EDIL3: variants seen among roughly 807,000 people sequenced by gnomAD.
EDIL3 encodes EGF-like repeat and discoidin I-like domain-containing protein 3.
In EDIL3, 37 loss-of-function variants were observed where a neutral mutation model predicts 67.4. That is an observed-to-expected ratio of 0.55 (90% CI 0.42 to 0.72). The LOEUF (loss-of-function observed/expected upper bound fraction) is 0.72, where lower values mean the gene tolerates loss of function less well. Ranked by LOEUF, EDIL3 falls within the 30% of genes least tolerant of loss-of-function variation. The probability of loss-of-function intolerance (pLI) is 0.00; values close to 1 mark genes in which losing one functional copy is unlikely to be tolerated. For synonymous variants in EDIL3, 195 were observed against 196.3 expected, an observed-to-expected ratio of 0.99 and a Z score of 0.05; for missense variants, 527 against 586.3, an observed-to-expected ratio of 0.90 and a Z score of 1.04.
chr5:84,307,555 T>C (rs1746296868), intron 1 of EDIL3, among the ~76,000 whole-genome samples: 1 of 152,168 alleles, frequency 6.6e-6, no homozygotes, highest in African/African-American at 2.4e-5. Flanking sequence ...AAAATTACAT[T>C]TGAAACATTG....
At chr5:84,047,476 T>C (rs1394637264) in intron 9 of EDIL3, 1 of 152,152 alleles carries the variant, frequency 6.6e-6, no homozygotes, top group Admixed American at 6.5e-5. Flanking sequence ...GTTAACTTTT[T>C]ATAGGTCTAT....
intron 9 of EDIL3, among the ~76,000 whole-genome samples, chr5:83,995,853 G>A (rs946733930): frequency 6.6e-6 from 1 of 152,148 alleles, no homozygotes; most frequent in African/African-American, 2.4e-5. Context: ...CTCTGAATCT[G>A]ATTACATTCT....
At chr5:84,078,887 C>G (rs1005017846) in intron 6 of EDIL3, 1 of 152,102 alleles carries the variant, frequency 6.6e-6, no homozygotes, top group Non-Finnish European at 1.5e-5. Flanking sequence ...TGTGGTGACT[C>G]TTGATAGGCT....
intron 6 of EDIL3, among the ~76,000 whole-genome samples, chr5:84,090,406 T>G (rs1489802025): frequency 6.6e-6 from 1 of 152,200 alleles, no homozygotes; most frequent in African/African-American, 2.4e-5. Flanking sequence ...GTGAAGTATG[T>G]CTCTTTTGCT....
chr5:84,000,163 C>G (rs1340093479), intron 9 of EDIL3, among the ~76,000 whole-genome samples: 5 of 151,840 alleles, frequency 3.3e-5, no homozygotes, highest in Non-Finnish European at 7.4e-5. Flanking sequence ...AGTTCTTCAA[C>G]CAGAAAAAAA....
At chr5:84,105,258 A>T (rs1299040893) in intron 6 of EDIL3, among the ~76,000 whole-genome samples, 1 of 152,110 alleles carries the variant, frequency 6.6e-6, no homozygotes, top group African/African-American at 2.4e-5. Flanking sequence ...AGATTGAAAA[A>T]GTCAAGTGTA....
chr5:84,079,547 A>G (rs7729923), intron 6 of EDIL3, among the ~76,000 whole-genome samples: 1 of 149,296 alleles, frequency 6.7e-6, no homozygotes, highest in Admixed American at 6.7e-5. Flanking sequence ...AGAGTAGGAA[A>G]TTTTTTTTTT....
intron 5 of EDIL3, among the ~76,000 whole-genome samples, chr5:84,134,577 T>G (rs1181592142): frequency 6.6e-6 from 1 of 152,162 alleles, no homozygotes; most frequent in Non-Finnish European, 1.5e-5. Flanking sequence ...ATTCTCTAAG[T>G]TCTCCATGTG....
rs1323778522 is a variant in EDIL3 at position 84,379,062 on chromosome 5, G to A, written c.67+5246C>T. 1.3e-5 allele frequency among the ~76,000 whole-genome samples: 2 copies of A among 152,120 alleles called. 1 individual carries two copies. Among genetic ancestry groups the A allele is most frequent in the Non-Finnish European group, 2.9e-5 (2 of 67,996 alleles). ...GAGGAGAAAGAGACGGAATGAAGGA[G>A]AGAGAAATTTTTATCCTAGGAGAAC... is the stretch of plus-strand genomic sequence containing the variant. On this transcript the variant is annotated intron_variant, in intron 1 of 10. Coordinates refer to ENST00000296591, the MANE Select transcript of EDIL3 (RefSeq NM_005711.5).
intron 4 of EDIL3, among the ~76,000 whole-genome samples, chr5:84,160,753 TCC>T (rs1748591004): frequency 4.6e-5 from 1 of 21,930 alleles, no homozygotes; most frequent in Non-Finnish European, 1.1e-4. Flanking sequence ...TTCTTTCCTT[TCC>T]TTTCCTTTCC....
At chr5:84,209,119 G>C (rs1482661277) in intron 3 of EDIL3, among the ~76,000 whole-genome samples, 1 of 151,482 alleles carries the variant, frequency 6.6e-6, no homozygotes, top group South Asian at 2.1e-4. Context: ...GTAAACTATC[G>C]CAAGGACAAA....
intron 4 of EDIL3, among the ~76,000 whole-genome samples, chr5:84,151,683 T>G (rs1748396200): frequency 6.6e-6 from 1 of 152,168 alleles, no homozygotes; most frequent in Non-Finnish European, 1.5e-5. Flanking sequence ...CAGGTTGAAT[T>G]TGTTTTTGTT....
chr5:84,358,148 A>G (rs1747526182), intron 1 of EDIL3, among the ~76,000 whole-genome samples: 1 of 152,214 alleles, frequency 6.6e-6, no homozygotes, highest in Admixed American at 6.5e-5. Context: ...GGTCAGCTCC[A>G]GTGAATGCAA....
chr5:84,075,837 C>T (rs1746843215), intron 6 of EDIL3, among the ~76,000 whole-genome samples: 1 of 151,122 alleles, frequency 6.6e-6, no homozygotes, highest in African/African-American at 2.4e-5. Flanking sequence ...TTTTTTAAAC[C>T]TTGTACAAAT....
intron 4 of EDIL3, among the ~76,000 whole-genome samples, chr5:84,147,795 A>G (rs1263665461): frequency 6.6e-6 from 1 of 152,084 alleles, no homozygotes. Context: ...TTACATTTCA[A>G]TAACAGGCAC....
At chr5:84,336,625 G>T (rs760236930) in intron 1 of EDIL3, among the ~76,000 whole-genome samples, 1 of 152,112 alleles carries the variant, frequency 6.6e-6, no homozygotes, top group Non-Finnish European at 1.5e-5. Flanking sequence ...ACTGGGAGGA[G>T]AAAGAGGTTG....
intron 9 of EDIL3, among the ~76,000 whole-genome samples, chr5:84,058,385 A>G (rs1299594441): frequency 6.6e-6 from 1 of 152,152 alleles, no homozygotes; most frequent in Non-Finnish European, 1.5e-5. Context: ...CACACGAGTT[A>G]CAACTTTAGA....
chr5:84,282,126 C>T (rs1250294357), intron 1 of EDIL3, among the ~76,000 whole-genome samples: 1 of 151,868 alleles, frequency 6.6e-6, no homozygotes, highest in Non-Finnish European at 1.5e-5. Context: ...CCACCTCAGC[C>T]TCCCAAAGTG....
chr5:84,161,562 A>C (rs1177329933), intron 4 of EDIL3, among the ~76,000 whole-genome samples: 1 of 152,120 alleles, frequency 6.6e-6, no homozygotes, highest in Non-Finnish European at 1.5e-5. Flanking sequence ...ATCTTGAGGA[A>C]GCTGCCATTG....
Sources: gnomAD v4.1 joint callset for allele counts (sites outside exome capture counted in the v4.1 genomes callset) on GRCh38, gnomAD v4.1.1 for gene constraint, MANE v1.5 for transcripts, NCBI Gene and HGNC (gene_info 2026-07-23, HGNC 2026-07-21) for gene names.